Variants in UTY observed in about 807,000 individuals in gnomAD.
The protein encoded by UTY is ubiquitously transcribed tetratricopeptide repeat containing, Y-linked.
In UTY, 12 loss-of-function variants were observed where a neutral mutation model predicts 32.5. That is an observed-to-expected ratio of 0.37 (90% CI 0.24 to 0.60). The LOEUF (loss-of-function observed/expected upper bound fraction) is 0.60, where lower values mean the gene tolerates loss of function less well. Among genes scored for constraint, UTY ranks in the 20% least tolerant of loss-of-function variants. The pLI is 0.69. For missense variants in UTY, 303 were observed against 299.2 expected, an observed-to-expected ratio of 1.01 and a Z score of -0.09; for synonymous variants, 131 against 103.4, an observed-to-expected ratio of 1.27 and a Z score of -1.62.
At chrY:13,415,615 ATTAG>A (rs2071572678) in intron 4 of UTY, among the ~76,000 whole-genome samples, 1 of 33,953 alleles carries the variant, frequency 2.9e-5, no homozygotes, top group Non-Finnish European at 7.3e-5. Flanking sequence ...TTGTGTTATA[ATTAG>A]TTATAGTATT....
intron 28 of UTY, among the ~76,000 whole-genome samples, chrY:13,241,565 A>G: frequency 3.0e-5 from 1 of 33,784 alleles, no homozygotes; most frequent in Non-Finnish European, 7.3e-5. Context: ...CAATCAACAC[A>G]AAGTTCGTTC....
At chrY:13,455,315 GA>G (rs2076707478) in intron 3 of UTY, among the ~76,000 whole-genome samples, 7 of 33,177 alleles carry the variant, frequency 2.1e-4, no homozygotes, top group African/African-American at 8.3e-4. Context: ...TAAAAAAAAT[GA>G]AAAATGATTT....
At chrY:13,393,810 T>C in intron 8 of UTY, 49 bp downstream of exon 8, 3 of 326,219 alleles carry the variant, frequency 9.2e-6, no homozygotes, top group Non-Finnish European at 1.3e-5. Flanking sequence ...TCATTTCATC[T>C]AAAGCATAGG....
intron 28 of UTY, among the ~76,000 whole-genome samples, chrY:13,256,631 G>A: frequency 3.0e-5 from 1 of 33,497 alleles, no homozygotes; most frequent in African/African-American, 1.2e-4. Context: ...TTTTCCAGAC[G>A]CCCTATACTG....
intron 28 of UTY, among the ~76,000 whole-genome samples, chrY:13,259,799 A>G: frequency 1.2e-4 from 4 of 34,148 alleles, no homozygotes; most frequent in Admixed American, 2.7e-4. Context: ...GTGCATTACA[A>G]TGTGTTGTTT....
intron 6 of UTY, among the ~76,000 whole-genome samples, 193 bp from the exon 7 acceptor site, chrY:13,397,165 C>T: frequency 3.0e-5 from 1 of 33,041 alleles, no homozygotes; most frequent in Non-Finnish European, 7.5e-5. Context: ...AAGTTATTTC[C>T]CTGAGATAGT....
chrY:13,241,048 G>A (rs2053895545), intron 28 of UTY, among the ~76,000 whole-genome samples: 1 of 31,092 alleles, frequency 3.2e-5, no homozygotes, highest in Non-Finnish European at 7.7e-5. Flanking sequence ...CATCTGTAAA[G>A]CTGGCACTTT....
chrY:13,437,046 T>C, intron 4 of UTY, among the ~76,000 whole-genome samples: 1 of 31,762 alleles, frequency 3.1e-5, no homozygotes, highest in Non-Finnish European at 7.7e-5. Flanking sequence ...TCCTTCTCCA[T>C]ATGCCCTTCT....
intron 27 of UTY, among the ~76,000 whole-genome samples, chrY:13,291,281 A>G: frequency 3.0e-5 from 1 of 33,874 alleles, no homozygotes; most frequent in Non-Finnish European, 7.3e-5. Flanking sequence ...AAGACAATTA[A>G]AAAGAGAAAG....
chrY:13,262,561 G>GT (rs772323769), intron 27 of UTY, among the ~76,000 whole-genome samples: 61 of 21,729 alleles, frequency 2.8e-3, no homozygotes, highest in Non-Finnish European at 4.1e-3. Flanking sequence ...TTTAGATGGA[G>GT]TTTTTTTTTT....
At chrY:13,246,940 T>A (rs2053955839), downstream of UTY, among the ~76,000 whole-genome samples, 2 of 28,156 alleles carry the variant, frequency 7.1e-5, no homozygotes, top group East Asian at 1.7e-3. Context: ...ACAACCAGAT[T>A]AAGCAAGCCA....
intron 15 of UTY, among the ~76,000 whole-genome samples, chrY:13,356,266 C>A: frequency 3.1e-5 from 1 of 32,321 alleles, no homozygotes; most frequent in Admixed American, 2.8e-4. Flanking sequence ...CGCCATTCTC[C>A]TGCCTCAGCC....
chrY:13,346,695 G>A, intron 17 of UTY, among the ~76,000 whole-genome samples: 1 of 33,594 alleles, frequency 3.0e-5, no homozygotes, highest in Admixed American at 2.7e-4. Context: ...GACTTGCCTA[G>A]GTCAACAATA....
intron 7 of UTY, among the ~76,000 whole-genome samples, chrY:13,395,590 G>A: frequency 3.1e-5 from 1 of 31,836 alleles, no homozygotes; most frequent in Non-Finnish European, 7.6e-5. Flanking sequence ...AGTGAGCCAT[G>A]GTTGCACCAA....
At chrY:13,350,508 A>T in intron 17 of UTY, among the ~76,000 whole-genome samples, 1 of 33,279 alleles carries the variant, frequency 3.0e-5, no homozygotes, top group Non-Finnish European at 7.4e-5. Context: ...CAAGAAATTT[A>T]TATCTGTATA....
In UTY at chrY:13,308,252, CAAAAAAAAAAAAA is replaced by C. The variant is rs778793743; in HGVS notation, c.3277-2015_3277-2003del. Among the ~76,000 whole-genome samples, 8 of 6,460 alleles carry C rather than the reference CAAAAAAAAAAAAA, an allele frequency of 1.2e-3. No individual in the cohort carries two copies. The South Asian group carries it at 0.026, about 21-fold the overall frequency. 17.3% of individuals were successfully genotyped at this position (6,460 alleles called of 37,273 possible). On this transcript the variant is annotated intron_variant, in intron 21 of 29. Transcript: ENST00000545955. ...ACCTGATGACTCAGTGAGACTGTCT[CAAAAAAAAAAAAA>C]AAAAAGAAAATGTAAAATGATGTAG...
chrY:13,370,783 A>G (rs2064834727), intron 8 of UTY, among the ~76,000 whole-genome samples: 2 of 32,939 alleles, frequency 6.1e-5, no homozygotes, highest in African/African-American at 2.4e-4. Context: ...GCGAGGTGGC[A>G]TATGTCTGTC....
Position 13,354,984 on chromosome Y carries a change from C to T in UTY, c.2061+19G>A. On this transcript the variant is annotated intron_variant, in intron 17 of 29. Coordinates refer to ENST00000545955, the MANE Select transcript of UTY (RefSeq NM_001258249.2). ...AACTACTATATAAGAGCCAAGAAAG[C>T]AGCTAGTCCTTTTTTTACCTGAGCG... 2.5e-6 allele frequency: 1 copy of T among 397,415 alleles called. No homozygotes were observed. Among genetic ancestry groups the T allele is most frequent in the Non-Finnish European group, 3.5e-6 (1 of 282,995 alleles).
intron 27 of UTY, chrY:13,287,110 G>T: frequency 2.9e-6 from 1 of 349,810 alleles, no homozygotes; most frequent in Non-Finnish European, 4.2e-6. Flanking sequence ...GATCCTGCAG[G>T]TTACTATTGT....
Sources: allele counts gnomAD v4.1 joint callset (sites outside exome capture counted in the v4.1 genomes callset), GRCh38; gene constraint gnomAD v4.1.1; transcripts MANE v1.5; gene names NCBI Gene and HGNC (gene_info 2026-07-23, HGNC 2026-07-21).